The following GIGYF2 variants were observed in gnomAD, a reference collection of about 807,000 sequenced individuals.
GIGYF2 encodes the protein GRB10-interacting GYF protein 2.
In GIGYF2, 25 loss-of-function variants were observed where a neutral mutation model predicts 208.1. That is an observed-to-expected ratio of 0.12 (90% CI 0.09 to 0.17). The LOEUF (loss-of-function observed/expected upper bound fraction) is 0.17. Among genes scored for constraint, GIGYF2 ranks in the 10% least tolerant of loss-of-function variants. GIGYF2 has a pLI of 1.00. For missense variants in GIGYF2, 1,302 were observed against 1,579.4 expected (o/e 0.82, Z 2.98); for synonymous variants, 534 against 543.8 (o/e 0.98, Z 0.25).
At position 232,812,407 on chromosome 2, in the gene GIGYF2, A is replaced by T. The variant is rs1286737262; in HGVS notation, c.2023A>T (p.Ile675Phe). Residue 675 changes from isoleucine to phenylalanine, a missense_variant, in exon 18 of 29, where the codon ATC becomes TTC. Transcript: ENST00000373563. Reference protein sequence around the residue: ...TLKMRISDQNIIPSVTRSVSV... With the variant: ...TLKMRISDQNFIPSVTRSVSV... ...CTTTTGCAGAATATCTGATCAGAACATCATTCCCTCAGTAACTAGGTCTGT... is the reference window on the plus strand; with the variant it reads ...CTTTTGCAGAATATCTGATCAGAACTTCATTCCCTCAGTAACTAGGTCTGT... The T allele has an allele frequency of 1.4e-6, 2 of 1,446,890 alleles. No individual in the cohort carries two copies. The highest frequency in any genetic ancestry group is 1.9e-6 in the Non-Finnish European group (2 of 1,027,848). The allele number at this position is 1,446,890 out of a possible 1,614,324, so 89.6% of individuals were successfully genotyped here.
rs932439084 is a variant in GIGYF2, at chr2:232,735,937, C to CT, written c.41+702dup. 3 of 984,106 alleles carry CT rather than the reference C, an allele frequency of 3.0e-6. No homozygotes were observed. The African/African-American group carries it at 5.2e-5, about 17-fold the overall frequency. The allele number at this position is 984,106 out of a possible 1,614,324, so 61.0% of individuals were successfully genotyped here. On this transcript the variant is annotated intron_variant, in intron 3 of 28. Transcript: ENST00000373563. Reference sequence around the variant, plus strand: ...TTTCTATTCAAACCTCGGGCAACCCCTTTGGTAATATCAGAAGTAGTATCT... The same window carrying CT: ...TTTCTATTCAAACCTCGGGCAACCCCTTTTGGTAATATCAGAAGTAGTATCT...
At chr2:232,782,355 G>A (rs1175725330) in intron 8 of GIGYF2, among the ~76,000 whole-genome samples, 2 of 152,254 alleles carry the variant, frequency 1.3e-5, no homozygotes, top group African/African-American at 2.4e-5. Flanking sequence ...GAGCCACCAT[G>A]CCTGGCCAGT....
chr2:232,716,163 T>C (rs1189539008), intron 2 of GIGYF2, among the ~76,000 whole-genome samples: 1 of 152,170 alleles, frequency 6.6e-6, no homozygotes, highest in Non-Finnish European at 1.5e-5. Context: ...TTCCAGTCTT[T>C]TACTATTATA....
Position 232,790,693 on chromosome 2 carries a change from C to T in GIGYF2, c.713-5C>T. 1 of 1,611,430 alleles carries T rather than the reference C, an allele frequency of 6.2e-7. No homozygotes were observed. On this transcript the variant is annotated splice_polypyrimidine_tract_variant and splice_region_variant and intron_variant, in intron 9 of 28. Coordinates refer to ENST00000373563, the MANE Select transcript of GIGYF2 (RefSeq NM_001103146.3). ...CTAAGGTTTGTGTCCTCCTTCTCAT[C>T]TCAGATGGCCCTCGTTCTGCAGGCT...
intron 2 of GIGYF2, among the ~76,000 whole-genome samples, chr2:232,730,514 A>G (rs901718813): frequency 4.6e-5 from 7 of 151,618 alleles, no homozygotes; most frequent in Admixed American, 6.6e-5. Flanking sequence ...CTGAGGCAGG[A>G]CAATCACTTG....
rs148570079 is a variant in GIGYF2 at position 232,847,498 on chromosome 2, G to A, written c.3611G>A (p.Arg1204His). The change falls in exon 27 of 29, where the codon CGT becomes CAT. Residue 1204 changes from arginine (R) to histidine (H), a missense_variant. Around this residue, in one of 8 missense-constraint regions of GIGYF2, gnomAD observed 701 missense variants for 793.0 expected, o/e 0.88. Coordinates refer to ENST00000373563, the MANE Select transcript of GIGYF2 (RefSeq NM_001103146.3). ...RRAKQKANQQ[R>H]QQQQLPQQQQ... ...GCCAAACAGAAAGCCAACCAGCAGC[G>A]TCAGCAGCAGCAGCTGCCACAGCAG... 26 of 1,549,300 alleles carry A rather than the reference G, an allele frequency of 1.7e-5. No individual in the cohort carries two copies. The highest frequency in any genetic ancestry group is 3.6e-5 in the Admixed American group (2 of 56,136).
chr2:232,793,418 C>G (rs1700128971), intron 12 of GIGYF2, among the ~76,000 whole-genome samples: 1 of 151,818 alleles, frequency 6.6e-6, no homozygotes, highest in African/African-American at 2.4e-5. Context: ...GAGGGAAGAG[C>G]CAAAGAGGAT....
At chr2:232,730,263 T>A in intron 2 of GIGYF2, 3 of 765,362 alleles carry the variant, frequency 3.9e-6, no homozygotes, top group Admixed American at 2.4e-5. Context: ...CACCCTGTGC[T>A]GAAAGAGGAA....
At chr2:232,837,959 G>T (rs766872428) in intron 22 of GIGYF2, among the ~76,000 whole-genome samples, 1 of 152,132 alleles carries the variant, frequency 6.6e-6, no homozygotes, top group Non-Finnish European at 1.5e-5. Flanking sequence ...TTAGGCATTC[G>T]GGGGTCCCTA....
chr2:232,836,334 A>T lies in GIGYF2; in HGVS notation c.2766+3241A>T, dbSNP rs868544390. Among the ~76,000 whole-genome samples, 23 of 24,296 alleles carry T rather than the reference A, an allele frequency of 9.5e-4. 4 individuals carry two copies. The highest frequency in any genetic ancestry group is 1.9e-3 in the Non-Finnish European group (18 of 9,432). 15.9% of individuals were successfully genotyped at this position (24,296 alleles called of 152,430 possible). A position where few individuals can be genotyped will look rare whatever the true frequency, so the allele number is the denominator to read the frequency against. On this transcript the variant is annotated intron_variant, in intron 22 of 28. Transcript: ENST00000373563. ...TATATATATATATATATATATACATATATATACTTATATATTTATATATAT... is the reference window on the plus strand; with the variant it reads ...TATATATATATATATATATATACATTTATATACTTATATATTTATATATAT...
Position 232,833,022 on chromosome 2 carries a change from A to AGGC in GIGYF2, c.2696_2698dup (p.Arg899dup). ...GCGGCAGAAGGAGTTAATGCGCCAG[A>AGGC]GGCAGCAGCAGCAAGAGGCTCTCCG... On this transcript the variant is annotated inframe_insertion, in exon 22 of 29. Transcript: ENST00000373563. 1 of 1,565,956 alleles carries AGGC rather than the reference A, an allele frequency of 6.4e-7. No individual in the cohort carries two copies. Among genetic ancestry groups the AGGC allele is most frequent in the African/African-American group, 1.4e-5 (1 of 73,936 alleles).
rs1248059907 is a variant in GIGYF2 at position 232,796,233 on chromosome 2, C to G, written c.1639+12C>G. The G allele has an allele frequency of 2.6e-6, 4 of 1,549,872 alleles. No individual in the cohort carries two copies. The African/African-American group carries it at 5.4e-5, about 21-fold the overall frequency. ...GGGAGAAATTCAAGGCAAGTTGTTC[C>G]TTTTTCCTTTAAATACTGAAGTGTG... is the stretch of plus-strand genomic sequence containing the variant. On this transcript the variant is annotated intron_variant, in intron 14 of 28. Transcript: ENST00000373563.
At chr2:232,798,645 T>A (rs1167831590) in intron 14 of GIGYF2, among the ~76,000 whole-genome samples, 21 of 152,240 alleles carry the variant, frequency 1.4e-4, no homozygotes. Flanking sequence ...GTTTTAAATT[T>A]ACATTACATT....
At chr2:232,730,916 A>G (rs1697460848) in intron 2 of GIGYF2, among the ~76,000 whole-genome samples, 1 of 151,552 alleles carries the variant, frequency 6.6e-6, no homozygotes, top group South Asian at 2.1e-4. Context: ...AAAAAAAAAA[A>G]AAAAAAGAAA....
At chr2:232,843,152 TG>T (rs1253015625) in intron 23 of GIGYF2, 1 of 122,670 alleles carries the variant, frequency 8.2e-6, no homozygotes, top group African/African-American at 2.8e-5. Flanking sequence ...TGTGTGTGTG[TG>T]TGTGTGTGTG....
intron 2 of GIGYF2, among the ~76,000 whole-genome samples, chr2:232,718,340 C>G (rs6746294): frequency 0.34 from 52,424 of 152,054 alleles, 9,350 homozygotes; most frequent in South Asian, 0.62. Context: ...CTCACGCGAT[C>G]CACTCACCTT....
intron 8 of GIGYF2, chr2:232,771,143 G>A: frequency 6.2e-7 from 1 of 1,614,014 alleles, no homozygotes; most frequent in Non-Finnish European, 8.5e-7. Context: ...ACATACCAGA[G>A]CACTGCAAAG....
Position 232,791,451 on chromosome 2 carries a change from G to A in GIGYF2, c.1282+5G>A. 6.2e-7 allele frequency: 1 copy of A among 1,611,044 alleles called. No individual in the cohort carries two copies. Among genetic ancestry groups the A allele is most frequent in the African/African-American group, 1.3e-5 (1 of 74,950 alleles). On this transcript the variant is annotated splice_donor_5th_base_variant and intron_variant, in intron 12 of 28. Coordinates refer to ENST00000373563, the MANE Select transcript of GIGYF2 (RefSeq NM_001103146.3). ...AAGTGCCCAGCAGAGGGGATGGTAT[G>A]TATTTGTGGGAATAGACAAGCTAAA... is the stretch of plus-strand genomic sequence containing the variant.
chr2:232,840,880 T>C (rs1192546418), intron 23 of GIGYF2, among the ~76,000 whole-genome samples: 5 of 152,154 alleles, frequency 3.3e-5, no homozygotes. Flanking sequence ...GAGCAGTCAA[T>C]TTGTTAGAGA....
Sources: gnomAD v4.1 joint callset for allele counts (sites outside exome capture counted in the v4.1 genomes callset) on GRCh38, gnomAD v4.1.1 for gene constraint, gnomAD v4.1.1 regional missense constraint, MANE v1.5 for transcripts, NCBI Gene and HGNC (gene_info 2026-07-23, HGNC 2026-07-21) for gene names.